The following CHSY3 variants were observed in gnomAD, a reference collection of about 807,000 sequenced individuals.
CHSY3 encodes N-acetylgalactosaminyl-proteoglycan 3-beta-glucuronosyltransferase 3.
Under a neutral mutation model 67.2 loss-of-function variants are expected in CHSY3, and 35 were observed. The ratio of observed to expected loss-of-function variants is 0.52; its 90% CI spans 0.40 to 0.69. The LOEUF (loss-of-function observed/expected upper bound fraction) is 0.69. Among genes scored for constraint, CHSY3 ranks in the 30% least tolerant of loss-of-function variants. The pLI is 0.00. For synonymous variants in CHSY3, 474 were observed against 434.7 expected, an observed-to-expected ratio of 1.09 and a Z score of -1.12; for missense variants, 1,069 against 1,138.5, an observed-to-expected ratio of 0.94 and a Z score of 0.88.
intron 2 of CHSY3, among the ~76,000 whole-genome samples, chr5:130,047,718 C>T (rs1279800136): frequency 6.6e-6 from 1 of 152,016 alleles, no homozygotes; most frequent in Non-Finnish European, 1.5e-5. Flanking sequence ...TATCTAATTC[C>T]ATTTAAAGCA....
intron 2 of CHSY3, among the ~76,000 whole-genome samples, chr5:130,003,752 C>G (rs1443130139): frequency 1.3e-5 from 2 of 152,024 alleles, no homozygotes; most frequent in Non-Finnish European, 2.9e-5. Flanking sequence ...CTAGTTTTCT[C>G]GAAATTTTCT....
At chr5:130,044,718 T>G (rs1259212084) in intron 2 of CHSY3, among the ~76,000 whole-genome samples, 1 of 152,114 alleles carries the variant, frequency 6.6e-6, no homozygotes, top group Non-Finnish European at 1.5e-5. Flanking sequence ...TTTTTCTAAG[T>G]GAATGTTAGG....
chr5:130,020,447 ATATATATATATATATTTTTTTT>A (rs1438489100), intron 2 of CHSY3, among the ~76,000 whole-genome samples: 4 of 37,354 alleles, frequency 1.1e-4, no homozygotes, highest in South Asian at 6.6e-4. Context: ...ATATATATAT[ATATATATATATATATTTTTTTT>A]TTTTTTTTTT....
At chr5:130,171,781 C>T (rs561016897) in intron 2 of CHSY3, among the ~76,000 whole-genome samples, 1 of 152,092 alleles carries the variant, frequency 6.6e-6, no homozygotes, top group East Asian at 2.0e-4. Context: ...CAAGACTGAA[C>T]TAACTAATTA....
At chr5:130,102,589 G>A (rs1190592104) in intron 2 of CHSY3, among the ~76,000 whole-genome samples, 2 of 151,720 alleles carry the variant, frequency 1.3e-5, no homozygotes, top group African/African-American at 4.8e-5. Context: ...TTCACTTTCA[G>A]ATGGGGCTAG....
At chr5:129,948,748 T>G (rs2149599560) in intron 2 of CHSY3, among the ~76,000 whole-genome samples, 1 of 152,344 alleles carries the variant, frequency 6.6e-6, no homozygotes, top group East Asian at 1.9e-4. Flanking sequence ...TTTAGTTCTT[T>G]AAGGAATCTC....
At chr5:129,986,914 A>G (rs1430385302) in intron 2 of CHSY3, among the ~76,000 whole-genome samples, 1 of 152,182 alleles carries the variant, frequency 6.6e-6, no homozygotes, top group Non-Finnish European at 1.5e-5. Flanking sequence ...AAGTACTGGG[A>G]TTATAGGAGT....
intron 1 of CHSY3, among the ~76,000 whole-genome samples, chr5:129,906,666 T>C (rs573656421): frequency 1.3e-5 from 2 of 152,328 alleles, no homozygotes; most frequent in East Asian, 3.9e-4. Context: ...GTTGCTGAGA[T>C]GGGGAGCAAC....
At chr5:130,183,624 C>T (rs1198351579) in intron 2 of CHSY3, among the ~76,000 whole-genome samples, 2 of 152,048 alleles carry the variant, frequency 1.3e-5, no homozygotes, top group Non-Finnish European at 2.9e-5. Context: ...TTATGTATAG[C>T]TAGAGGTTCA....
chr5:129,952,197 T>G lies in CHSY3; in HGVS notation c.1086+43837T>G, dbSNP rs978557325. On this transcript the variant is annotated intron_variant, in intron 2 of 2. Transcript: ENST00000305031. ...TCGTTTCAAGTAAAAGTGGAAAGAA[T>G]GCCTGTAGCTCTTAGAGCAATAAGC... Among the ~76,000 whole-genome samples the G allele has an allele frequency of 6.6e-5, 10 of 152,288 alleles. No individual in the cohort carries two copies. The South Asian group carries it at 1.7e-3, about 25-fold the overall frequency.
intron 2 of CHSY3, among the ~76,000 whole-genome samples, chr5:130,176,940 T>C (rs1210135133): frequency 6.6e-6 from 1 of 152,134 alleles, no homozygotes. Flanking sequence ...TGTATACCTA[T>C]GTAACATGTA....
chr5:129,908,035 T>C, intron 1 of CHSY3, 42 bp from the exon 2 acceptor site: 1 of 1,586,234 alleles, frequency 6.3e-7, no homozygotes, highest in Non-Finnish European at 8.6e-7. Context: ...TAAGTGATTA[T>C]GAAATAAGGA....
chr5:129,932,103 CAT>C (rs33960181), intron 2 of CHSY3, among the ~76,000 whole-genome samples: 2,312 of 114,080 alleles, frequency 0.02, 17 homozygotes, highest in Non-Finnish European at 0.023. Flanking sequence ...ACCATAAAAC[CAT>C]ATATATATAT....
chr5:130,173,285 A>G (rs1214581546), intron 2 of CHSY3, among the ~76,000 whole-genome samples: 1 of 152,152 alleles, frequency 6.6e-6, no homozygotes, highest in Non-Finnish European at 1.5e-5. Flanking sequence ...TTGCATCATA[A>G]TTTTTTAAAT....
At chr5:129,977,274 G>A (rs1352833162) in intron 2 of CHSY3, among the ~76,000 whole-genome samples, 1 of 152,018 alleles carries the variant, frequency 6.6e-6, no homozygotes, top group Non-Finnish European at 1.5e-5. Flanking sequence ...TCCAAAGATA[G>A]GTATTTCAAG....
At chr5:130,053,985 C>G (rs1173049823) in intron 2 of CHSY3, among the ~76,000 whole-genome samples, 2 of 152,088 alleles carry the variant, frequency 1.3e-5, no homozygotes. Flanking sequence ...TAAAACTTTC[C>G]TCAGTTTTAA....
rs1210194186 is a variant in CHSY3 at position 129,908,436 on chromosome 5, A to G, written c.1086+76A>G. ...TTTTATAATCTAGGGCAGCGATTCT[A>G]TTCATTCTCTCTGTATCTTTGTATT... On this transcript the variant is annotated intron_variant, in intron 2 of 2. Coordinates refer to ENST00000305031, the MANE Select transcript of CHSY3 (RefSeq NM_175856.5). The G allele has an allele frequency of 3.9e-6, 6 of 1,541,616 alleles. No individual in the cohort carries two copies. The African/African-American group carries it at 4.1e-5, about 11-fold the overall frequency.
intron 2 of CHSY3, among the ~76,000 whole-genome samples, chr5:130,125,366 G>C (rs1435538252): frequency 1.3e-5 from 2 of 152,036 alleles, no homozygotes; most frequent in African/African-American, 4.8e-5. Context: ...GCAGCGAGCT[G>C]TGATCATTCC....
At chr5:129,906,677 G>T (rs2149573549) in intron 1 of CHSY3, among the ~76,000 whole-genome samples, 1 of 152,304 alleles carries the variant, frequency 6.6e-6, no homozygotes, top group Non-Finnish European at 1.5e-5. Context: ...GGGGAGCAAC[G>T]CAAGGGAAGC....
Sources: allele counts gnomAD v4.1 joint callset (sites outside exome capture counted in the v4.1 genomes callset), GRCh38; gene constraint gnomAD v4.1.1; transcripts MANE v1.5; gene names NCBI Gene and HGNC (gene_info 2026-07-23, HGNC 2026-07-21).